Variants in FILIP1L observed in about 807,000 individuals in gnomAD.
The protein encoded by FILIP1L is filamin A-interacting protein 1-like.
FILIP1L carries 55 observed loss-of-function variants against 96.6 expected under a neutral mutation model. The observed-to-expected ratio is 0.57, with a 90% CI of 0.46 to 0.71. FILIP1L has a LOEUF of 0.71. Among genes scored for constraint, FILIP1L ranks in the 30% least tolerant of loss-of-function variants. The pLI, the probability that FILIP1L is intolerant of heterozygous loss-of-function variation, is 0.00. For missense variants in FILIP1L, 1,304 were observed against 1,321.2 expected, an observed-to-expected ratio of 0.99 and a Z score of 0.20; for synonymous variants, 467 against 473.9, an observed-to-expected ratio of 0.99 and a Z score of 0.19.
At chr3:100,068,101 C>T (rs893161015) in intron 1 of FILIP1L, among the ~76,000 whole-genome samples, 3 of 152,176 alleles carry the variant, frequency 2.0e-5, no homozygotes, top group African/African-American at 7.2e-5. Context: ...TGAAAGATTA[C>T]ATGGAGCATA....
At chr3:99,983,416 A>ATATATATATG (rs1553702725) in intron 1 of FILIP1L, among the ~76,000 whole-genome samples, 1 of 96,954 alleles carries the variant, frequency 1.0e-5, no homozygotes, top group Admixed American at 1.2e-4. Flanking sequence ...ATATATATAT[A>ATATATATATG]TATGTATGTA....
chr3:99,855,764 GA>G (rs1943932402), intron 4 of FILIP1L, among the ~76,000 whole-genome samples: 1 of 152,120 alleles, frequency 6.6e-6, no homozygotes, highest in African/African-American at 2.4e-5. Context: ...TCTGCCAAAA[GA>G]ATGTTGAAAA....
At chr3:100,050,965 C>T (rs1403645309) in intron 1 of FILIP1L, among the ~76,000 whole-genome samples, 1 of 152,190 alleles carries the variant, frequency 6.6e-6, no homozygotes, top group Non-Finnish European at 1.5e-5. Flanking sequence ...CTATAATGCC[C>T]TCTACCAAAC....
intron 4 of FILIP1L, among the ~76,000 whole-genome samples, chr3:99,866,386 G>A (rs2107570004): frequency 6.6e-6 from 1 of 152,156 alleles, no homozygotes; most frequent in African/African-American, 2.4e-5. Flanking sequence ...ACTTGTTAGT[G>A]GGAAATTCAA....
Position 99,859,077 on chromosome 3 carries a change from T to G in FILIP1L, c.606-8007A>C, listed in dbSNP as rs150396196. ...AAAGTCCTAAATGACAAAACTGTTT[T>G]CATAAGACATTGTGTTTTGTTTGAA... On this transcript the variant is annotated intron_variant, in intron 4 of 5. Transcript: ENST00000477258. 4.3e-3 allele frequency among the ~76,000 whole-genome samples: 661 copies of G among 152,384 alleles called. 7 individuals carry two copies. The highest frequency in any genetic ancestry group is 0.016 in the African/African-American group (648 of 41,598).
intron 1 of FILIP1L, among the ~76,000 whole-genome samples, chr3:99,954,119 A>T (rs1708253060): frequency 6.6e-6 from 1 of 152,256 alleles, no homozygotes. Context: ...GGCTCATCTC[A>T]CTTAACACTT....
intron 1 of FILIP1L, among the ~76,000 whole-genome samples, chr3:100,013,821 G>A (rs1710236846): frequency 1.3e-5 from 2 of 152,098 alleles, no homozygotes; most frequent in Admixed American, 6.6e-5. Flanking sequence ...TTTGTGGTGA[G>A]AAAATTTAAA....
chr3:100,006,903 G>A (rs757437667), intron 1 of FILIP1L, among the ~76,000 whole-genome samples: 3 of 152,166 alleles, frequency 2.0e-5, no homozygotes, highest in Non-Finnish European at 4.4e-5. Context: ...TCTCTAATAT[G>A]CATTGAGAAG....
At chr3:99,935,156 A>G (rs1707621189) in intron 1 of FILIP1L, among the ~76,000 whole-genome samples, 1 of 151,924 alleles carries the variant, frequency 6.6e-6, no homozygotes, top group South Asian at 2.1e-4. Context: ...CAGTGACTTC[A>G]TTGTTTCTCT....
intron 1 of FILIP1L, among the ~76,000 whole-genome samples, chr3:100,062,530 C>A (rs1459558271): frequency 6.6e-6 from 1 of 152,170 alleles, no homozygotes; most frequent in East Asian, 1.9e-4. Context: ...GGGTCAGTCA[C>A]ACCAACCTCT....
intron 1 of FILIP1L, among the ~76,000 whole-genome samples, chr3:100,018,481 A>G (rs1289480670): frequency 6.6e-6 from 1 of 152,174 alleles, no homozygotes; most frequent in Non-Finnish European, 1.5e-5. Context: ...TGTGTTGTCA[A>G]AAATGGAAAT....
At chr3:99,872,995 C>T (rs893567215) in intron 4 of FILIP1L, among the ~76,000 whole-genome samples, 1 of 151,674 alleles carries the variant, frequency 6.6e-6, no homozygotes, top group Non-Finnish European at 1.5e-5. Flanking sequence ...ATTAGTGTAC[C>T]TAACAAAATG....
intron 1 of FILIP1L, among the ~76,000 whole-genome samples, chr3:100,076,222 G>A (rs1407485629): frequency 6.6e-6 from 1 of 152,114 alleles, no homozygotes; most frequent in Non-Finnish European, 1.5e-5. Flanking sequence ...GCTCAGTGGA[G>A]GCTTGTCTGT....
intron 4 of FILIP1L, among the ~76,000 whole-genome samples, chr3:99,861,001 T>C (rs1345575133): frequency 6.6e-6 from 1 of 152,146 alleles, no homozygotes; most frequent in East Asian, 1.9e-4. Flanking sequence ...TTTTAAAAAG[T>C]TAATTACTGT....
intron 1 of FILIP1L, among the ~76,000 whole-genome samples, chr3:99,939,633 A>G (rs1707796017): frequency 6.6e-6 from 1 of 152,216 alleles, no homozygotes. Context: ...CTTTTCTGAT[A>G]GTGGTTCCAG....
chr3:99,965,890 G>A (rs909887284), intron 1 of FILIP1L, among the ~76,000 whole-genome samples: 1 of 152,080 alleles, frequency 6.6e-6, no homozygotes, highest in Non-Finnish European at 1.5e-5. Context: ...CCAGCCTGCC[G>A]CCACTGGACC....
rs757820734 is a variant in FILIP1L, at chr3:99,850,572, G to A, written c.1104C>T (p.Ile368=). 6.2e-7 allele frequency: 1 copy of A among 1,613,718 alleles called. No individual in the cohort carries two copies. The highest frequency in any genetic ancestry group is 1.1e-5 in the South Asian group (1 of 91,058). ...TCCTGAGCTCTTCCACTTCAGCCAT[G>A]ATACCAGCGTTTCCATATTCTCCCT... ...ISKGEYGNAG[I]MAEVEELRKR... is the part of the protein sequence containing the mutation. The change falls in exon 5 of 6, where the codon ATC becomes ATT. Residue 368 remains isoleucine, a synonymous_variant. Transcript: ENST00000477258.
intron 1 of FILIP1L, among the ~76,000 whole-genome samples, chr3:99,935,733 T>C (rs1156644655): frequency 2.6e-5 from 4 of 152,256 alleles, no homozygotes; most frequent in African/African-American, 4.8e-5. Context: ...CTTGTATCTA[T>C]GGATACAAAT....
chr3:99,892,116 T>C (rs952064423), intron 4 of FILIP1L, among the ~76,000 whole-genome samples: 1 of 152,200 alleles, frequency 6.6e-6, no homozygotes, highest in Non-Finnish European at 1.5e-5. Flanking sequence ...AGAAATAGAA[T>C]ATCACTGGAG....
Sources: allele counts gnomAD v4.1 joint callset (sites outside exome capture counted in the v4.1 genomes callset), GRCh38; gene constraint gnomAD v4.1.1; transcripts MANE v1.5; gene names NCBI Gene and HGNC (gene_info 2026-07-23, HGNC 2026-07-21).